The following CBFA2T3 variants were observed in gnomAD, a reference collection of about 807,000 sequenced individuals.
The protein encoded by CBFA2T3 is transcriptional corepressor CBFA2T3.
Under a neutral mutation model 58.6 loss-of-function variants are expected in CBFA2T3, and 31 were observed. That is an observed-to-expected ratio of 0.53 (90% confidence interval 0.40 to 0.71). CBFA2T3 has a LOEUF of 0.71. Among genes scored for constraint, CBFA2T3 ranks in the 30% least tolerant of loss-of-function variants. CBFA2T3 has a pLI of 0.00. For synonymous variants in CBFA2T3, 531 were observed against 421.9 expected, an observed-to-expected ratio of 1.26 and a Z score of -3.17; for missense variants, 1,076 against 963.1, an observed-to-expected ratio of 1.12 and a Z score of -1.55.
chr16:88,886,323 C>G, intron 5 of CBFA2T3, 181 bp from the exon 6 acceptor site: 51 of 238,044 alleles, frequency 2.1e-4, no homozygotes, highest in Non-Finnish European at 3.1e-4. Context: ...GGGAGGGTGG[C>G]GTGGGAGGGT....
intron 1 of CBFA2T3, among the ~76,000 whole-genome samples, chr16:88,930,896 C>T (rs112883324): frequency 4.3e-5 from 6 of 140,630 alleles, no homozygotes; most frequent in Non-Finnish European, 8.9e-5. Flanking sequence ...GTTTCCTTTC[C>T]GGGTGATGAG....
intron 1 of CBFA2T3, among the ~76,000 whole-genome samples, chr16:88,918,351 G>A (rs1970806609): frequency 6.6e-6 from 1 of 152,202 alleles, no homozygotes; most frequent in South Asian, 2.1e-4. Flanking sequence ...CTGTCCTCTT[G>A]CCCTGGCATC....
At chr16:88,911,683 CAG>C in intron 1 of CBFA2T3, among the ~76,000 whole-genome samples, 1 of 152,402 alleles carries the variant, frequency 6.6e-6, no homozygotes, top group Middle Eastern at 3.4e-3. Context: ...GCGTCTAGAA[CAG>C]AGCGCCTGGC....
At position 88,893,160 on chromosome 16, in the gene CBFA2T3, G is replaced by A. The variant is rs574022654; in HGVS notation, c.380-675C>T. On this transcript the variant is annotated intron_variant, in intron 3 of 11. Coordinates refer to ENST00000268679, the MANE Select transcript of CBFA2T3 (RefSeq NM_005187.6). ...AAGCAATACCCCCACCCCCAATCAG[G>A]CATCTCCCAGCCCTGAGCAATGTCC... is the stretch of plus-strand genomic sequence containing the variant. Among the ~76,000 whole-genome samples, 564 of 149,648 alleles carry A rather than the reference G, an allele frequency of 3.8e-3. 1 individual carries two copies. Among genetic ancestry groups the A allele is most frequent in the African/African-American group, 0.013 (538 of 40,288 alleles).
chr16:88,944,758 C>T (rs1971860209), intron 1 of CBFA2T3, among the ~76,000 whole-genome samples: 1 of 152,270 alleles, frequency 6.6e-6, no homozygotes, highest in Admixed American at 6.5e-5. Flanking sequence ...GTCATGGCCC[C>T]TTCTTCTGAT....
intron 7 of CBFA2T3, chr16:88,884,677 C>T: frequency 9.6e-6 from 2 of 208,952 alleles, no homozygotes; most frequent in African/African-American, 2.3e-5. Flanking sequence ...TCCCCCAGGC[C>T]TTGGACTCTG....
In CBFA2T3 at chr16:88,934,915, AT is replaced by A. The variant is rs368421416; in HGVS notation, c.152-33260del. 2.9e-3 allele frequency among the ~76,000 whole-genome samples: 443 copies of A among 151,980 alleles called. 4 individuals are homozygous for A. The highest frequency in any genetic ancestry group is 0.024 in the Middle Eastern group (7 of 294). ...CCACCACGCCCGGCTAATTTTTTGTATTTTTTAGTAGAGACGGGGTTTCACC... is the reference window on the plus strand; with the variant it reads ...CCACCACGCCCGGCTAATTTTTTGTATTTTTAGTAGAGACGGGGTTTCACC... On this transcript the variant is annotated intron_variant, in intron 1 of 11. Coordinates refer to ENST00000268679, the MANE Select transcript of CBFA2T3 (RefSeq NM_005187.6).
At chr16:88,952,682 C>T (rs930975246) in intron 1 of CBFA2T3, among the ~76,000 whole-genome samples, 7 of 152,220 alleles carry the variant, frequency 4.6e-5, no homozygotes, top group African/African-American at 1.7e-4. Flanking sequence ...CCTCAGGTCC[C>T]TGCTGAGTGG....
intron 2 of CBFA2T3, among the ~76,000 whole-genome samples, chr16:88,900,138 C>A (rs1049573433): frequency 2.6e-5 from 4 of 152,258 alleles, no homozygotes; most frequent in Non-Finnish European, 4.4e-5. Flanking sequence ...GTGCGGCGTC[C>A]CGACTCTCTG....
chr16:88,934,163 AGGC>A (rs1971414422), intron 1 of CBFA2T3, among the ~76,000 whole-genome samples: 3 of 134,854 alleles, frequency 2.2e-5, no homozygotes, highest in African/African-American at 1.0e-4. Flanking sequence ...CGGCACACGG[AGGC>A]ACCGGCGAGA....
At chr16:88,926,642 G>GCCCGAGGGC (rs1971093906) in intron 1 of CBFA2T3, among the ~76,000 whole-genome samples, 1 of 152,230 alleles carries the variant, frequency 6.6e-6, no homozygotes, top group Non-Finnish European at 1.5e-5. Context: ...CTGCAGGGAG[G>GCCCGAGGGC]CCCGAGGGCA....
intron 1 of CBFA2T3, among the ~76,000 whole-genome samples, chr16:88,970,066 A>T (rs1972610455): frequency 1.3e-5 from 2 of 152,058 alleles, no homozygotes; most frequent in Admixed American, 6.5e-5. Flanking sequence ...GGAAAAGCTG[A>T]TGGAAATTCA....
In CBFA2T3 at chr16:88,874,918, G is replaced by A. The variant is rs1968773208; in HGVS notation, c.*2058C>T. ...TTATTACCATCATGAATATCATTTG[G>A]ACCTCTGCAAAGACTATATACATTC... On this transcript the variant is annotated 3_prime_UTR_variant, in exon 12 of 12. Transcript: ENST00000268679. 4.3e-6 allele frequency: 1 copy of A among 232,804 alleles called. No individual in the cohort carries two copies. The allele number at this position is 232,804 out of a possible 1,614,324, so 14.4% of individuals were successfully genotyped here.
chr16:88,962,380 T>G (rs1462806789), intron 1 of CBFA2T3, among the ~76,000 whole-genome samples: 1 of 152,278 alleles, frequency 6.6e-6, no homozygotes, highest in Non-Finnish European at 1.5e-5. Context: ...TGAGACGCCA[T>G]GAACCAGCCT....
chr16:88,922,584 C>G (rs1481006697), intron 1 of CBFA2T3, among the ~76,000 whole-genome samples: 1 of 152,236 alleles, frequency 6.6e-6, no homozygotes, highest in African/African-American at 2.4e-5. Context: ...TCTCCTATCC[C>G]ACGCCAGGGC....
intron 8 of CBFA2T3, among the ~76,000 whole-genome samples, chr16:88,882,441 CTG>C (rs1441462719): frequency 2.0e-5 from 3 of 146,630 alleles, no homozygotes; most frequent in Non-Finnish European, 4.5e-5. Flanking sequence ...GTGGGTGTGG[CTG>C]TGTGCGTGGG....
intron 5 of CBFA2T3, among the ~76,000 whole-genome samples, chr16:88,888,142 C>G (rs1460179536): frequency 6.6e-6 from 1 of 152,008 alleles, no homozygotes; most frequent in African/African-American, 2.4e-5. Context: ...ATTCACCACC[C>G]CAACTACGAG....
rs80279246 is a variant in CBFA2T3, at chr16:88,889,789, G to A, written c.711+2093C>T. Among the ~76,000 whole-genome samples, 39 of 134,928 alleles carry A rather than the reference G, an allele frequency of 2.9e-4. No individual in the cohort carries two copies. In the East Asian group the frequency reaches 7.4e-3, roughly 25 times the overall value. The allele number at this position is 134,928 out of a possible 152,430, so 88.5% of individuals were successfully genotyped here. On this transcript the variant is annotated intron_variant, in intron 5 of 11. Transcript: ENST00000268679. ...CCTCCTCCTCCAGGGACGACGCCAC[G>A]CGATTCCTCCTCCTCCAGGGACACT...
At chr16:88,943,284 G>A (rs1208869247) in intron 1 of CBFA2T3, among the ~76,000 whole-genome samples, 1 of 152,250 alleles carries the variant, frequency 6.6e-6, no homozygotes, top group Non-Finnish European at 1.5e-5. Flanking sequence ...GACCTGGGCC[G>A]GAAGCCCTCA....
Sources: allele counts gnomAD v4.1 joint callset (sites outside exome capture counted in the v4.1 genomes callset), GRCh38; gene constraint gnomAD v4.1.1; transcripts MANE v1.5; gene names NCBI Gene and HGNC (gene_info 2026-07-23, HGNC 2026-07-21).